Variants in MAGI2 observed in about 807,000 individuals in gnomAD.
The protein encoded by MAGI2 is membrane associated guanylate kinase, WW and PDZ domain containing 2.
Under a neutral mutation model 133.3 loss-of-function variants are expected in MAGI2, and 35 were observed. The ratio of observed to expected loss-of-function variants is 0.26; its 90% CI spans 0.20 to 0.35. MAGI2 has a LOEUF of 0.35. Ranked by LOEUF, MAGI2 falls within the 10% of genes least tolerant of loss-of-function variation. The probability of loss-of-function intolerance (pLI) is 1.00; values close to 1 mark genes in which losing one functional copy is unlikely to be tolerated. For synonymous variants in MAGI2, 729 were observed against 710.6 expected (o/e 1.03, Z -0.41); for missense variants, 1,636 against 1,863.4 (o/e 0.88, Z 2.25).
chr7:78,631,077 C>T (rs557574515), intron 2 of MAGI2, among the ~76,000 whole-genome samples: 2 of 152,144 alleles, frequency 1.3e-5, no homozygotes, highest in African/African-American at 4.8e-5. Context: ...TGCATGGAAG[C>T]CACATTGTTT....
chr7:78,759,639 T>C (rs17151416), intron 2 of MAGI2, among the ~76,000 whole-genome samples: 9,930 of 152,268 alleles, frequency 0.065, 496 homozygotes, highest in East Asian at 0.24. Context: ...AGAATGATGC[T>C]AATATAAAGT....
intron 1 of MAGI2, among the ~76,000 whole-genome samples, chr7:79,279,196 A>G (rs1348692975): frequency 6.6e-6 from 1 of 152,050 alleles, no homozygotes; most frequent in Admixed American, 6.6e-5. Flanking sequence ...TCTCCTTACA[A>G]AAAACGTCCC....
intron 21 of MAGI2, among the ~76,000 whole-genome samples, chr7:78,072,151 G>A (rs1455890491): frequency 6.6e-6 from 1 of 152,190 alleles, no homozygotes; most frequent in Non-Finnish European, 1.5e-5. Flanking sequence ...TTCAGACAAG[G>A]TCTCAGTAGA....
intron 5 of MAGI2, among the ~76,000 whole-genome samples, chr7:78,498,077 CTTAA>C (rs1244244068): frequency 6.6e-6 from 1 of 151,838 alleles, no homozygotes; most frequent in African/African-American, 2.4e-5. Flanking sequence ...TATTTATTTA[CTTAA>C]TTGATAAACA....
chr7:79,354,496 C>T (rs1472231706), intron 1 of MAGI2: 1 of 152,230 alleles, frequency 6.6e-6, no homozygotes, highest in Non-Finnish European at 1.5e-5. Context: ...AACCCACACA[C>T]AAACTTACCC....
chr7:79,355,348 A>T (rs150676003), intron 1 of MAGI2, among the ~76,000 whole-genome samples: 3 of 152,062 alleles, frequency 2.0e-5, no homozygotes, highest in African/African-American at 7.3e-5. Flanking sequence ...AACAAACAAA[A>T]AAACAAACAA....
chr7:78,420,170 A>G (rs1798669391), intron 6 of MAGI2, among the ~76,000 whole-genome samples: 1 of 152,142 alleles, frequency 6.6e-6, no homozygotes, highest in Admixed American at 6.6e-5. Context: ...TTGCCTTTTT[A>G]TTGCTACCAG....
intron 2 of MAGI2, among the ~76,000 whole-genome samples, chr7:78,981,378 T>A (rs1444752072): frequency 2.0e-5 from 3 of 151,688 alleles, no homozygotes; most frequent in African/African-American, 7.2e-5. Context: ...AAAACCTCCA[T>A]GTTATTATCT....
chr7:78,309,688 T>A (rs545111315), intron 9 of MAGI2, among the ~76,000 whole-genome samples: 176 of 152,264 alleles, frequency 1.2e-3, no homozygotes, highest in African/African-American at 4.0e-3. Context: ...AAATAGATTT[T>A]AAAAAATAAT....
At chr7:79,174,278 T>C (rs903301058) in intron 1 of MAGI2, among the ~76,000 whole-genome samples, 10 of 151,972 alleles carry the variant, frequency 6.6e-5, no homozygotes, top group Non-Finnish European at 1.3e-4. Context: ...TGCTAAATAA[T>C]GAAACAAAAT....
chr7:78,482,430 A>T (rs1018054562), intron 6 of MAGI2, among the ~76,000 whole-genome samples: 2 of 151,926 alleles, frequency 1.3e-5, no homozygotes, highest in African/African-American at 2.4e-5. Context: ...ATGTTCACAT[A>T]AAAACCTGTA....
intron 6 of MAGI2, among the ~76,000 whole-genome samples, chr7:78,402,809 C>G (rs1269836827): frequency 6.6e-6 from 1 of 152,032 alleles, no homozygotes; most frequent in Non-Finnish European, 1.5e-5. Context: ...ATTTATTCTC[C>G]ATATACTTGG....
intron 6 of MAGI2, among the ~76,000 whole-genome samples, chr7:78,435,603 A>G (rs1200949774): frequency 6.6e-6 from 1 of 152,116 alleles, no homozygotes; most frequent in Non-Finnish European, 1.5e-5. Context: ...AGTGATTGGA[A>G]CCCACATGCC....
chr7:78,662,067 A>T (rs1002772320), intron 2 of MAGI2, among the ~76,000 whole-genome samples: 7 of 152,150 alleles, frequency 4.6e-5, no homozygotes, highest in Non-Finnish European at 1.0e-4. Context: ...CATCACAAAA[A>T]TGTCTGAGAT....
chr7:78,239,350 G>A (rs1335460327), intron 10 of MAGI2, among the ~76,000 whole-genome samples: 1 of 152,148 alleles, frequency 6.6e-6, no homozygotes, highest in Non-Finnish European at 1.5e-5. Flanking sequence ...ATTGGTCTGG[G>A]CAGTGATTTT....
chr7:78,885,914 CAG>C lies in MAGI2; in HGVS notation c.418+121174_418+121175del, dbSNP rs1796226365. ...GCTCTTTGGCATCATGGCTCAAGAA[CAG>C]ACTGTGCCTGCTGATCCTCTACCAA... On this transcript the variant is annotated intron_variant, in intron 2 of 21. Coordinates refer to ENST00000354212, the MANE Select transcript of MAGI2 (RefSeq NM_012301.4). 3.9e-5 allele frequency among the ~76,000 whole-genome samples: 6 copies of C among 152,138 alleles called. No homozygotes were observed. In the South Asian group the frequency reaches 1.2e-3, roughly 32 times the overall value.
chr7:78,266,502 C>T (rs1219645955), intron 9 of MAGI2, among the ~76,000 whole-genome samples: 1 of 152,018 alleles, frequency 6.6e-6, no homozygotes. Context: ...CACACTCAGC[C>T]AGAGCAGTGT....
chr7:78,806,061 A>G (rs1788552575), intron 2 of MAGI2, among the ~76,000 whole-genome samples: 1 of 152,200 alleles, frequency 6.6e-6, no homozygotes, highest in Admixed American at 6.5e-5. Flanking sequence ...ACGAATTCTT[A>G]AATAGGAACA....
chr7:78,039,958 T>C (rs1326011684), intron 21 of MAGI2, among the ~76,000 whole-genome samples: 2 of 152,158 alleles, frequency 1.3e-5, no homozygotes, highest in African/African-American at 4.8e-5. Context: ...ATGAACCTCC[T>C]AGCAACCTGC....
Sources: gnomAD v4.1 joint callset for allele counts (sites outside exome capture counted in the v4.1 genomes callset) on GRCh38, gnomAD v4.1.1 for gene constraint, MANE v1.5 for transcripts, NCBI Gene and HGNC (gene_info 2026-07-23, HGNC 2026-07-21) for gene names.